The following AAK1 variants were observed in gnomAD, a reference collection of about 807,000 sequenced individuals.
AAK1 encodes the protein AP2-associated protein kinase 1.
AAK1 carries 37 observed loss-of-function variants against 116.0 expected under a neutral mutation model. That is an observed-to-expected ratio of 0.32 (90% CI 0.25 to 0.42). AAK1 has a LOEUF of 0.42. Among genes scored for constraint, AAK1 ranks in the 10% least tolerant of loss-of-function variants. The pLI is 1.00. For synonymous variants in AAK1, 458 were observed against 439.9 expected, an observed-to-expected ratio of 1.04 and a Z score of -0.51; for missense variants, 919 against 1,170.6, an observed-to-expected ratio of 0.79 and a Z score of 3.14.
In AAK1 at chr2:69,469,919, T is replaced by C. The variant is rs1674619519; in HGVS notation, c.*5950A>G. 1 of 985,288 alleles carries C rather than the reference T, an allele frequency of 1.0e-6. No individual in the cohort carries two copies. Among genetic ancestry groups the C allele is most frequent in the East Asian group, 1.1e-4 (1 of 8,818 alleles). The allele number at this position is 985,288 out of a possible 1,614,324, so 61.0% of individuals were successfully genotyped here. On this transcript the variant is annotated 3_prime_UTR_variant, in exon 22 of 22. Transcript: ENST00000409085. ...AGATTTCAGCAAGAACTCACATGCT[T>C]CAGGGAAGAGAAGGAGTTCCTAAAA... is the stretch of plus-strand genomic sequence containing the variant.
intron 2 of AAK1, among the ~76,000 whole-genome samples, chr2:69,642,419 CT>C (rs1420968239): frequency 2.0e-5 from 3 of 152,096 alleles, no homozygotes; most frequent in African/African-American, 7.2e-5. Flanking sequence ...CGAAAATCCT[CT>C]CTTCCTTCCA....
chr2:69,469,090 AG>A lies in AAK1; in HGVS notation c.*6778del. The A allele has an allele frequency of 1.0e-6, 1 of 985,480 alleles. No homozygotes were observed. Among genetic ancestry groups the A allele is most frequent in the African/African-American group, 1.7e-5 (1 of 57,364 alleles). 61.0% of individuals were successfully genotyped at this position (985,480 alleles called of 1,614,324 possible). On this transcript the variant is annotated 3_prime_UTR_variant, in exon 22 of 22. Transcript: ENST00000409085. ...TTCTTTCAGCATCAACAGGCTTTGTAGGAATGGAAAAGTACATTTAAAGGGT... is the reference window on the plus strand; with the variant it reads ...TTCTTTCAGCATCAACAGGCTTTGTAGAATGGAAAAGTACATTTAAAGGGT...
Position 69,466,271 on chromosome 2 carries a change from G to A in AAK1, c.*9598C>T. 7.8e-7 allele frequency: 1 copy of A among 1,289,780 alleles called. No homozygotes were observed. Among genetic ancestry groups the A allele is most frequent in the South Asian group, 1.2e-5 (1 of 81,024 alleles). The allele number at this position is 1,289,780 out of a possible 1,614,324, so 79.9% of individuals were successfully genotyped here. On this transcript the variant is annotated 3_prime_UTR_variant, in exon 22 of 22. Coordinates refer to ENST00000409085, the MANE Select transcript of AAK1 (RefSeq NM_014911.5). ...CTCCCAGCTTCCCCGGGGGGGGTCTGCAGCTCTCATCTTCTTCTTCAGACT... is the reference window on the plus strand; with the variant it reads ...CTCCCAGCTTCCCCGGGGGGGGTCTACAGCTCTCATCTTCTTCTTCAGACT...
intron 3 of AAK1, 78 bp downstream of exon 3, chr2:69,556,782 C>A (rs1186020356): frequency 3.5e-6 from 4 of 1,152,280 alleles, no homozygotes; most frequent in Non-Finnish European, 5.1e-6. Flanking sequence ...AGGGAACAAA[C>A]CCCGCTTGGC....
chr2:69,522,968 C>T (rs1361872844), intron 10 of AAK1, among the ~76,000 whole-genome samples: 6 of 152,278 alleles, frequency 3.9e-5, no homozygotes, highest in South Asian at 2.1e-4. Context: ...AGTTCTAGCT[C>T]CTCACTAAGT....
At chr2:69,581,077 G>C (rs998315951) in intron 2 of AAK1, among the ~76,000 whole-genome samples, 4 of 151,882 alleles carry the variant, frequency 2.6e-5, no homozygotes, top group Admixed American at 2.0e-4. Flanking sequence ...AATTTATCTA[G>C]AGCCTGCTGA....
In AAK1 at chr2:69,468,774, AG is replaced by A; in HGVS notation, c.*7094del. 1 of 985,466 alleles carries A rather than the reference AG, an allele frequency of 1.0e-6. No individual in the cohort carries two copies. The highest frequency in any genetic ancestry group is 1.2e-6 in the Non-Finnish European group (1 of 829,946). 61.0% of individuals were successfully genotyped at this position (985,466 alleles called of 1,614,324 possible). A position where few individuals can be genotyped will look rare whatever the true frequency, so the allele number is the denominator to read the frequency against. On this transcript the variant is annotated 3_prime_UTR_variant, in exon 22 of 22. Coordinates refer to ENST00000409085, the MANE Select transcript of AAK1 (RefSeq NM_014911.5). ...ACATTTTGAGAACTAGGAAGTACCA[AG>A]GGGTGTGTGTATGTGCCCATATTCA...
rs1359509300 is a variant in AAK1, at chr2:69,514,512, G to C, written c.1735C>G (p.Pro579Ala). The C allele has an allele frequency of 6.4e-7, 1 of 1,550,758 alleles. No homozygotes were observed. Among genetic ancestry groups the C allele is most frequent in the African/African-American group, 1.4e-5 (1 of 73,162 alleles). Residue 579 changes from proline (P) to alanine (A), a missense_variant, in exon 13 of 22, where the codon CCA (proline) becomes GCA (alanine). Physicochemically the swap from Pro to Ala is conservative, Grantham distance 27. This residue lies in a region of AAK1 where 125 missense variants were observed against 184.1 expected (regional missense o/e 0.68). Transcript: ENST00000409085. ...GGGGCTGGCTGTGGGGCTGCAGCTG[G>C]CTGTGGCTGGGGCTGCTGTCCTGCT... ...MAAGQQPQPQ[P>A]AAAPQPAPAQ... is the part of the protein sequence containing the mutation.
intron 2 of AAK1, among the ~76,000 whole-genome samples, chr2:69,641,692 A>G (rs1353865081): frequency 6.6e-6 from 1 of 152,106 alleles, no homozygotes; most frequent in Non-Finnish European, 1.5e-5. Context: ...AGCCCGCAAC[A>G]TCCACCATGG....
rs1012245762 is a variant in AAK1, at chr2:69,544,220, C to T, written c.391+216G>A. On this transcript the variant is annotated intron_variant, in intron 4 of 21. Transcript: ENST00000409085. ...CATTTATATACAAACACCAAACCTT[C>T]CCAAACCTAACAAAAATGGAGTTCT... The T allele has an allele frequency of 8.1e-6, 4 of 496,206 alleles. No homozygotes were observed. In the Admixed American group the frequency reaches 1.3e-4, roughly 16 times the overall value. The allele number at this position is 496,206 out of a possible 1,614,324, so 30.7% of individuals were successfully genotyped here. A position where few individuals can be genotyped will look rare whatever the true frequency, so the allele number is the denominator to read the frequency against.
chr2:69,495,302 C>T (rs1675694492), intron 17 of AAK1, among the ~76,000 whole-genome samples: 1 of 152,158 alleles, frequency 6.6e-6, no homozygotes, highest in African/African-American at 2.4e-5. Flanking sequence ...TCCAAAAGCT[C>T]TTTCAGAACA....
chr2:69,468,180 G>A lies in AAK1; in HGVS notation c.*7689C>T, dbSNP rs1295304367. 3.0e-6 allele frequency: 3 copies of A among 985,280 alleles called. No individual in the cohort carries two copies. The highest frequency in any genetic ancestry group is 3.6e-6 in the Non-Finnish European group (3 of 829,926). 61.0% of individuals were successfully genotyped at this position (985,280 alleles called of 1,614,324 possible). On this transcript the variant is annotated 3_prime_UTR_variant, in exon 22 of 22. Coordinates refer to ENST00000409085, the MANE Select transcript of AAK1 (RefSeq NM_014911.5). ...TGTGCAGCTACATGGTGATACGAAA[G>A]CATCAGTCAGTGGACAGGAAATAAA...
intron 2 of AAK1, among the ~76,000 whole-genome samples, chr2:69,609,219 C>T (rs1167330100): frequency 1.3e-5 from 2 of 151,352 alleles, no homozygotes; most frequent in South Asian, 2.1e-4. Flanking sequence ...AAAAATTAGC[C>T]GGGCTTGGTG....
At chr2:69,595,063 G>A (rs1297965499) in intron 2 of AAK1, 3 of 724,398 alleles carry the variant, frequency 4.1e-6, no homozygotes, top group Non-Finnish European at 7.6e-6. Flanking sequence ...CACCATGTTT[G>A]CGTGAGCACT....
intron 3 of AAK1, among the ~76,000 whole-genome samples, chr2:69,548,900 G>A (rs1327157747): frequency 6.6e-6 from 1 of 150,772 alleles, no homozygotes; most frequent in Non-Finnish European, 1.5e-5. Context: ...ACCACACCCG[G>A]CCAACAAGCT....
chr2:69,602,148 A>G (rs941692607), intron 2 of AAK1, among the ~76,000 whole-genome samples: 2 of 152,260 alleles, frequency 1.3e-5, no homozygotes, highest in Admixed American at 1.3e-4. Flanking sequence ...ATGAAAGACA[A>G]TGTAAGATTA....
intron 5 of AAK1, among the ~76,000 whole-genome samples, chr2:69,534,251 C>T (rs1047260993): frequency 6.6e-6 from 1 of 152,166 alleles, no homozygotes; most frequent in Non-Finnish European, 1.5e-5. Flanking sequence ...ATAGTTGGTA[C>T]AGCTGGGAAG....
At chr2:69,490,408 C>T (rs1472759614) in intron 17 of AAK1, among the ~76,000 whole-genome samples, 1 of 152,078 alleles carries the variant, frequency 6.6e-6, no homozygotes, top group East Asian at 1.9e-4. Flanking sequence ...GGAAGCAACC[C>T]AAGTGTCCAT....
chr2:69,635,136 A>C (rs1192293047), intron 2 of AAK1, among the ~76,000 whole-genome samples: 1 of 152,254 alleles, frequency 6.6e-6, no homozygotes, highest in African/African-American at 2.4e-5. Flanking sequence ...AAATGGGCAA[A>C]GGACTTAAAT....
Sources: gnomAD v4.1 joint callset for allele counts (sites outside exome capture counted in the v4.1 genomes callset) on GRCh38, gnomAD v4.1.1 for gene constraint, gnomAD v4.1.1 regional missense constraint, MANE v1.5 for transcripts, NCBI Gene and HGNC (gene_info 2026-07-23, HGNC 2026-07-21) for gene names.